The following MLLT3 variants were observed in gnomAD, a reference collection of about 807,000 sequenced individuals.
The protein encoded by MLLT3 is protein AF-9.
Under a neutral mutation model 53.2 loss-of-function variants are expected in MLLT3, and 4 were observed. The ratio of observed to expected loss-of-function variants is 0.08; its 90% confidence interval spans 0.04 to 0.17. MLLT3 has a LOEUF of 0.17. Ranked by LOEUF, MLLT3 falls within the 10% of genes least tolerant of loss-of-function variation. MLLT3 has a pLI of 1.00. For missense variants in MLLT3, 569 were observed against 684.0 expected, an observed-to-expected ratio of 0.83 and a Z score of 1.87; for synonymous variants, 283 against 230.6, an observed-to-expected ratio of 1.23 and a Z score of -2.06.
intron 2 of MLLT3, among the ~76,000 whole-genome samples, chr9:20,610,029 A>T (rs1820662014): frequency 6.6e-6 from 1 of 152,160 alleles, no homozygotes; most frequent in Non-Finnish European, 1.5e-5. Flanking sequence ...ATCAATGACA[A>T]TTGCAGAATT....
At chr9:20,501,502 A>G (rs1307778565) in intron 2 of MLLT3, among the ~76,000 whole-genome samples, 1 of 152,172 alleles carries the variant, frequency 6.6e-6, no homozygotes, top group African/African-American at 2.4e-5. Context: ...CTGTAATCCC[A>G]GCATTTTGGG....
intron 9 of MLLT3, 50 bp downstream of exon 9, chr9:20,354,758 G>A (rs748608381): frequency 9.0e-6 from 11 of 1,225,034 alleles, no homozygotes; most frequent in East Asian, 4.7e-5. Flanking sequence ...ACAAAGAAAC[G>A]GAAGGCTTGT....
At chr9:20,545,830 G>A (rs1304715112) in intron 2 of MLLT3, among the ~76,000 whole-genome samples, 4 of 94,754 alleles carry the variant, frequency 4.2e-5, no homozygotes, top group Admixed American at 2.5e-4. Context: ...ACTAGCCTGG[G>A]AAATAAAGTA....
chr9:20,364,239 A>G (rs994404889), intron 6 of MLLT3, among the ~76,000 whole-genome samples: 1 of 152,234 alleles, frequency 6.6e-6, no homozygotes, highest in Non-Finnish European at 1.5e-5. Flanking sequence ...ACCAGCATGT[A>G]TAAACATAAA....
At chr9:20,432,653 C>T (rs940574337) in intron 4 of MLLT3, among the ~76,000 whole-genome samples, 3 of 145,002 alleles carry the variant, frequency 2.1e-5, no homozygotes, top group East Asian at 2.1e-4. Flanking sequence ...GAAAAAAAAT[C>T]GCTTTTTTTT....
intron 5 of MLLT3, chr9:20,412,016 G>T (rs1822740769): frequency 6.6e-6 from 1 of 152,164 alleles, no homozygotes; most frequent in East Asian, 1.9e-4. Context: ...ATAGTTTTCT[G>T]ATTTTTTTAA....
intron 5 of MLLT3, among the ~76,000 whole-genome samples, chr9:20,399,166 G>C (rs1055261754): frequency 9.9e-5 from 15 of 152,156 alleles, no homozygotes; most frequent in African/African-American, 3.6e-4. Context: ...TGTACAGGGA[G>C]TTCTCTCACT....
chr9:20,467,124 G>T (rs1824256277), intron 2 of MLLT3, among the ~76,000 whole-genome samples: 1 of 151,974 alleles, frequency 6.6e-6, no homozygotes, highest in South Asian at 2.1e-4. Context: ...CAAAAAGAGA[G>T]AGAGAACCGG....
chr9:20,594,771 A>C (rs529594257), intron 2 of MLLT3, among the ~76,000 whole-genome samples: 2 of 152,338 alleles, frequency 1.3e-5, no homozygotes, highest in East Asian at 3.9e-4. Context: ...ATAACGCATT[A>C]GCATGGTAAA....
chr9:20,590,499 C>G (rs1015169433), intron 2 of MLLT3, among the ~76,000 whole-genome samples: 1 of 152,088 alleles, frequency 6.6e-6, no homozygotes, highest in Admixed American at 6.6e-5. Context: ...TAAAGTGTGG[C>G]GCTTCACTTG....
At chr9:20,524,884 AG>A (rs1031752589) in intron 2 of MLLT3, among the ~76,000 whole-genome samples, 4 of 152,128 alleles carry the variant, frequency 2.6e-5, no homozygotes, top group African/African-American at 9.7e-5. Flanking sequence ...TCCTTCCAAA[AG>A]GAAAAAGACA....
intron 4 of MLLT3, among the ~76,000 whole-genome samples, chr9:20,438,475 T>C (rs1157026338): frequency 6.6e-6 from 1 of 152,160 alleles, no homozygotes; most frequent in Non-Finnish European, 1.5e-5. Context: ...TGTAGTGCAG[T>C]AACAGAAATT....
intron 2 of MLLT3, among the ~76,000 whole-genome samples, chr9:20,531,223 C>T (rs1818327793): frequency 6.6e-6 from 1 of 151,054 alleles, no homozygotes; most frequent in Admixed American, 6.6e-5. Context: ...GCAACCTCTA[C>T]CTTCCAGGTT....
chr9:20,485,042 G>A (rs1406511737), intron 2 of MLLT3, among the ~76,000 whole-genome samples: 1 of 151,112 alleles, frequency 6.6e-6, no homozygotes, highest in Middle Eastern at 3.2e-3. Context: ...AGACTGGAGT[G>A]CAGTGGCGCA....
chr9:20,597,516 G>C (rs978521080), intron 2 of MLLT3, among the ~76,000 whole-genome samples: 1 of 151,968 alleles, frequency 6.6e-6, no homozygotes, highest in Non-Finnish European at 1.5e-5. Flanking sequence ...ATACTGTTAA[G>C]AGCCTCAGAA....
chr9:20,352,169 T>C (rs1821044776), intron 10 of MLLT3, among the ~76,000 whole-genome samples: 1 of 152,348 alleles, frequency 6.6e-6, no homozygotes, highest in South Asian at 2.1e-4. Flanking sequence ...AATGGCCTAG[T>C]ATCCTTGACT....
intron 5 of MLLT3, among the ~76,000 whole-genome samples, chr9:20,391,247 T>G (rs1822172286): frequency 6.6e-6 from 1 of 152,156 alleles, no homozygotes; most frequent in South Asian, 2.1e-4. Flanking sequence ...AAATCACATC[T>G]AAGTGACTGA....
chr9:20,557,715 A>G (rs1222083176), intron 2 of MLLT3, among the ~76,000 whole-genome samples: 1 of 152,218 alleles, frequency 6.6e-6, no homozygotes, highest in Non-Finnish European at 1.5e-5. Flanking sequence ...ACTCTGTGTA[A>G]ATCAACTGGG....
intron 3 of MLLT3, among the ~76,000 whole-genome samples, chr9:20,453,379 G>A (rs2118855202): frequency 6.6e-6 from 1 of 152,168 alleles, no homozygotes; most frequent in South Asian, 2.1e-4. Context: ...TGGGCAACAT[G>A]GTGAAACCCT....
Sources: gnomAD v4.1 joint callset for allele counts (sites outside exome capture counted in the v4.1 genomes callset) on GRCh38, gnomAD v4.1.1 for gene constraint, MANE v1.5 for transcripts, NCBI Gene and HGNC (gene_info 2026-07-23, HGNC 2026-07-21) for gene names.